HMBOX1: variants seen among roughly 807,000 people sequenced by gnomAD.
HMBOX1 encodes homeobox containing 1, also known as homeobox-containing protein 1.
A neutral mutation model predicts 54.5 loss-of-function variants in HMBOX1; 14 were observed. That is an observed-to-expected ratio of 0.26 (90% CI 0.17 to 0.40). The LOEUF (loss-of-function observed/expected upper bound fraction) is 0.40, where lower values mean the gene tolerates loss of function less well. Ranked by LOEUF, HMBOX1 falls within the 10% of genes least tolerant of loss-of-function variation. The pLI, the probability that HMBOX1 is intolerant of heterozygous loss-of-function variation, is 1.00. For missense variants in HMBOX1, 332 were observed against 514.4 expected (o/e 0.65, Z 3.43); for synonymous variants, 160 against 181.0 (o/e 0.88, Z 0.93).
intron 6 of HMBOX1, among the ~76,000 whole-genome samples, chr8:29,043,869 G>C (rs531056384): frequency 6.6e-6 from 1 of 152,132 alleles, no homozygotes; most frequent in Non-Finnish European, 1.5e-5. Flanking sequence ...AAAATCCTCC[G>C]TATGAACACT....
intron 2 of HMBOX1, among the ~76,000 whole-genome samples, chr8:28,966,109 T>G (rs1172256688): frequency 6.6e-6 from 1 of 152,212 alleles, no homozygotes; most frequent in African/African-American, 2.4e-5. Context: ...CAAGATTAAT[T>G]ATTTGTGAAT....
rs183735006 is a variant in HMBOX1 at position 28,990,256 on chromosome 8, C to T, written c.586+10100C>T. Among the ~76,000 whole-genome samples the T allele has an allele frequency of 3.0e-3, 452 of 152,234 alleles. 1 individual carries two copies. Among genetic ancestry groups the T allele is most frequent in the African/African-American group, 0.01 (428 of 41,528 alleles). ...CAAAAGCAGACATTCTTACCTTGTTCCCAGTCTTAGGGAGGAAACATTCAG... is the reference window on the plus strand; with the variant it reads ...CAAAAGCAGACATTCTTACCTTGTTTCCAGTCTTAGGGAGGAAACATTCAG... On this transcript the variant is annotated intron_variant, in intron 4 of 9. Coordinates refer to ENST00000287701, the MANE Select transcript of HMBOX1 (RefSeq NM_001135726.3).
rs145734211 is a variant in HMBOX1, at chr8:28,932,274, G to A, written c.-57-31537G>A. 3.1e-3 allele frequency among the ~76,000 whole-genome samples: 468 copies of A among 152,276 alleles called. 1 individual carries two copies. The highest frequency in any genetic ancestry group is 0.011 in the African/African-American group (439 of 41,556). Reference sequence around the variant, plus strand: ...TATAAGGCAGTATAGATCATGAGATGGAATTTAAATTTTATCCTATGTACA... The same window carrying A: ...TATAAGGCAGTATAGATCATGAGATAGAATTTAAATTTTATCCTATGTACA... On this transcript the variant is annotated intron_variant, in intron 1 of 9. Transcript: ENST00000287701.
chr8:29,005,459 A>G (rs1182074931), intron 4 of HMBOX1, among the ~76,000 whole-genome samples: 1 of 152,214 alleles, frequency 6.6e-6, no homozygotes, highest in East Asian at 1.9e-4. Flanking sequence ...AACATTGTAT[A>G]TTCATAAAAA....
chr8:29,042,894 TAATAAA>T (rs1471317730), intron 6 of HMBOX1, among the ~76,000 whole-genome samples: 1 of 152,100 alleles, frequency 6.6e-6, no homozygotes, highest in Non-Finnish European at 1.5e-5. Context: ...CAGTTAGAGA[TAATAAA>T]GAAAGTGAAG....
At chr8:29,029,449 CTTG>C (rs1322443130) in intron 6 of HMBOX1, among the ~76,000 whole-genome samples, 7 of 152,308 alleles carry the variant, frequency 4.6e-5, no homozygotes, top group East Asian at 1.9e-4. Flanking sequence ...GACTTTTGCT[CTTG>C]TTGTACAAAA....
At chr8:29,030,871 G>C (rs768585679) in intron 6 of HMBOX1, among the ~76,000 whole-genome samples, 1 of 152,166 alleles carries the variant, frequency 6.6e-6, no homozygotes, top group Non-Finnish European at 1.5e-5. Context: ...AGCTTGGATT[G>C]TGGTTCCCTC....
At chr8:28,952,744 G>A (rs1823706361) in intron 1 of HMBOX1, among the ~76,000 whole-genome samples, 1 of 152,166 alleles carries the variant, frequency 6.6e-6, no homozygotes, top group African/African-American at 2.4e-5. Flanking sequence ...GTGTAGGAAA[G>A]GCTACACGAG....
intron 4 of HMBOX1, among the ~76,000 whole-genome samples, chr8:29,000,331 T>C (rs1166989000): frequency 4.6e-5 from 7 of 152,208 alleles, no homozygotes; most frequent in African/African-American, 1.7e-4. Flanking sequence ...AGGTGAGAGC[T>C]TCGAGCCTTC....
chr8:29,040,380 T>C (rs1398187325), intron 6 of HMBOX1, among the ~76,000 whole-genome samples: 2 of 152,210 alleles, frequency 1.3e-5, no homozygotes, highest in Non-Finnish European at 2.9e-5. Context: ...CTTATATCAA[T>C]ATTGTGTGTC....
intron 1 of HMBOX1, among the ~76,000 whole-genome samples, chr8:28,913,856 T>A: frequency 9.0e-6 from 1 of 110,540 alleles, no homozygotes; most frequent in African/African-American, 3.2e-5. Flanking sequence ...CAAGTGATTC[T>A]TTTTTTTTTT....
chr8:29,051,368 C>CCAAG lies in HMBOX1; in HGVS notation c.*216_*217insGCAA, dbSNP rs1414831324. On this transcript the variant is annotated 3_prime_UTR_variant, in exon 10 of 10. Coordinates refer to ENST00000287701, the MANE Select transcript of HMBOX1 (RefSeq NM_001135726.3). ...CTCCCAGTAAATAATAACCAACCAA[C>CCAAG]CAACCAAACTTCCCTCTCCCAGCCC... The CCAAG allele has an allele frequency of 1.1e-5, 7 of 639,112 alleles. No homozygotes were observed. The highest frequency in any genetic ancestry group is 2.0e-5 in the Non-Finnish European group (7 of 358,426). 39.6% of individuals were successfully genotyped at this position (639,112 alleles called of 1,614,324 possible). A position where few individuals can be genotyped will look rare whatever the true frequency, so the allele number is the denominator to read the frequency against.
intron 5 of HMBOX1, among the ~76,000 whole-genome samples, chr8:29,011,725 A>T (rs566490068): frequency 1.1e-4 from 16 of 150,776 alleles, no homozygotes; most frequent in East Asian, 3.9e-4. Context: ...TTTTTTTTTT[A>T]AATTATTGTT....
At position 29,038,610 on chromosome 8, in the gene HMBOX1, G is replaced by T. The variant is rs1804303781; in HGVS notation, c.852-6751G>T. On this transcript the variant is annotated intron_variant, in intron 6 of 9. Transcript: ENST00000287701. Reference sequence around the variant, plus strand: ...CTAAAATGCTGGAAGGTTAATAACAGTGTGTACTGTTCCTAGGGCTGTCTT... The same window carrying T: ...CTAAAATGCTGGAAGGTTAATAACATTGTGTACTGTTCCTAGGGCTGTCTT... Among the ~76,000 whole-genome samples, 8 of 152,240 alleles carry T rather than the reference G, an allele frequency of 5.3e-5. 1 individual carries two copies. The South Asian group carries it at 1.7e-3, about 32-fold the overall frequency.
intron 1 of HMBOX1, among the ~76,000 whole-genome samples, chr8:28,915,227 A>T (rs1224615576): frequency 6.6e-6 from 1 of 152,164 alleles, no homozygotes; most frequent in Non-Finnish European, 1.5e-5. Flanking sequence ...ACATTTTATG[A>T]AGTAAAAAGA....
rs568713945 is a variant in HMBOX1, at chr8:29,042,813, G to A, written c.852-2548G>A. ...ATGGAGTTCAGGCTAAGAAATGAGA[G>A]GTGAAGCCCAAAGAGGAAAGATAAA... On this transcript the variant is annotated intron_variant, in intron 6 of 9. Coordinates refer to ENST00000287701, the MANE Select transcript of HMBOX1 (RefSeq NM_001135726.3). 862 of 406,348 alleles carry A rather than the reference G, an allele frequency of 2.1e-3. 12 individuals carry two copies. Among genetic ancestry groups the A allele is most frequent in the South Asian group, 8.9e-3 (506 of 56,702 alleles). The allele number at this position is 406,348 out of a possible 1,614,324, so 25.2% of individuals were successfully genotyped here. A position where few individuals can be genotyped will look rare whatever the true frequency, so the allele number is the denominator to read the frequency against.
intron 1 of HMBOX1, among the ~76,000 whole-genome samples, chr8:28,951,146 G>T (rs1823345089): frequency 6.6e-6 from 1 of 152,290 alleles, no homozygotes; most frequent in African/African-American, 2.4e-5. Context: ...TTTTATTTAT[G>T]TTTTTTGAGC....
At chr8:29,022,119 C>G (rs1398086307) in intron 6 of HMBOX1, among the ~76,000 whole-genome samples, 1 of 152,044 alleles carries the variant, frequency 6.6e-6, no homozygotes, top group East Asian at 1.9e-4. Context: ...GACATTCCTA[C>G]TTCTAGAAAA....
chr8:28,928,163 A>C lies in HMBOX1; in HGVS notation c.-57-35648A>C, dbSNP rs146750833. Among the ~76,000 whole-genome samples, 3 of 152,168 alleles carry C rather than the reference A, an allele frequency of 2.0e-5. No homozygotes were observed. In the East Asian group the frequency reaches 5.8e-4, roughly 29 times the overall value. Reference sequence around the variant, plus strand: ...AAAAAAAAGAACTACTACTACTACCATAAACAACTGTTCTAAAGTAAAGAT... The same window carrying C: ...AAAAAAAAGAACTACTACTACTACCCTAAACAACTGTTCTAAAGTAAAGAT... On this transcript the variant is annotated intron_variant, in intron 1 of 9. Coordinates refer to ENST00000287701, the MANE Select transcript of HMBOX1 (RefSeq NM_001135726.3).
Sources: allele counts gnomAD v4.1 joint callset (sites outside exome capture counted in the v4.1 genomes callset), GRCh38; gene constraint gnomAD v4.1.1; transcripts MANE v1.5; gene names NCBI Gene and HGNC (gene_info 2026-07-23, HGNC 2026-07-21).